Variants in FRMPD2 observed in about 807,000 individuals in gnomAD.
The protein encoded by FRMPD2 is FERM and PDZ domain containing 2.
A neutral mutation model predicts 140.1 loss-of-function variants in FRMPD2; 96 were observed. That is an observed-to-expected ratio of 0.69 (90% CI 0.58 to 0.81). The LOEUF (loss-of-function observed/expected upper bound fraction) is 0.81, where lower values mean the gene tolerates loss of function less well. Among genes scored for constraint, FRMPD2 ranks in the 40% least tolerant of loss-of-function variants. The pLI is 0.00. For missense variants in FRMPD2, 1,240 were observed against 1,447.4 expected, an observed-to-expected ratio of 0.86 and a Z score of 2.32; for synonymous variants, 449 against 547.6, an observed-to-expected ratio of 0.82 and a Z score of 2.52.
In FRMPD2 at chr10:48,225,476, T is replaced by G. The variant is rs956427574; in HGVS notation, c.1169-2206A>C. On this transcript the variant is annotated intron_variant, in intron 10 of 28. Transcript: ENST00000374201. ...CTCTGTCTCCACTGATGAACTGATG[T>G]CAACTCCTGCAATAAGCCCCTAGAA... Among the ~76,000 whole-genome samples the G allele has an allele frequency of 2.0e-5, 3 of 152,208 alleles. 1 individual carries two copies. Among genetic ancestry groups the G allele is most frequent in the African/African-American group, 7.2e-5 (3 of 41,438 alleles).
intron 15 of FRMPD2, among the ~76,000 whole-genome samples, chr10:48,200,701 C>T (rs1391810683): frequency 6.6e-6 from 1 of 152,192 alleles, no homozygotes; most frequent in Non-Finnish European, 1.5e-5. Context: ...CTTAGAACTT[C>T]CTTTTCCTCA....
chr10:48,159,104 C>T (rs1837866098), intron 28 of FRMPD2: 8 of 454,984 alleles, frequency 1.8e-5, no homozygotes, highest in South Asian at 1.2e-4. Flanking sequence ...GGGTTTGTGT[C>T]CCTTCATGTC....
In FRMPD2 at chr10:48,211,990, T is replaced by G; in HGVS notation, c.1575A>C (p.Ala525=). 1 of 1,614,024 alleles carries G rather than the reference T, an allele frequency of 6.2e-7. No homozygotes were observed. Among genetic ancestry groups the G allele is most frequent in the Non-Finnish European group, 8.5e-7 (1 of 1,179,992 alleles). Residue 525 remains alanine (A), a synonymous_variant, in exon 13 of 29, where the codon GCA becomes GCC. Transcript: ENST00000374201. ...TCAGCTCAGCATCCTCTCCCCACAG[T>G]GCAGAGCTGAGCCGGTGCATCTCTG... The part of the protein sequence containing the change: ...EVSEMHRLSS[A]LWGEDAELKF...
chr10:48,185,756 G>T (rs933180633), intron 17 of FRMPD2, 111 bp from the exon 18 acceptor site: 3 of 775,690 alleles, frequency 3.9e-6, no homozygotes, highest in African/African-American at 1.7e-5. Flanking sequence ...ACATTCACAC[G>T]CACACAATCC....
intron 1 of FRMPD2, among the ~76,000 whole-genome samples, chr10:48,261,139 A>G (rs1840582709): frequency 6.6e-6 from 1 of 152,176 alleles, no homozygotes; most frequent in Non-Finnish European, 1.5e-5. Flanking sequence ...ATGGAACAGA[A>G]TATCCAAGAA....
intron 9 of FRMPD2, among the ~76,000 whole-genome samples, chr10:48,233,128 G>C (rs1315858911): frequency 6.6e-6 from 1 of 152,186 alleles, no homozygotes; most frequent in African/African-American, 2.4e-5. Flanking sequence ...CTCTCTAGAA[G>C]GCAGTCATGG....
rs1171592154 is a variant in FRMPD2 at position 48,206,947 on chromosome 10, A to G, written c.1612-14T>C. ...CTGCTGAGTGACCTGGAGCAGAAAA[A>G]GGCTGATTTAGAAGAGACAGGCACA... On this transcript the variant is annotated splice_polypyrimidine_tract_variant and intron_variant, in intron 13 of 28. Transcript: ENST00000374201. 1 of 1,611,922 alleles carries G rather than the reference A, an allele frequency of 6.2e-7. No individual in the cohort carries two copies. The highest frequency in any genetic ancestry group is 1.1e-5 in the South Asian group (1 of 90,870).
At chr10:48,269,197 A>G (rs936205778) in intron 1 of FRMPD2, among the ~76,000 whole-genome samples, 1 of 152,222 alleles carries the variant, frequency 6.6e-6, no homozygotes, top group Non-Finnish European at 1.5e-5. Flanking sequence ...AGGGTCAAAA[A>G]TTTAAATATT....
chr10:48,260,215 A>T (rs1034093230), intron 1 of FRMPD2, among the ~76,000 whole-genome samples: 1 of 152,130 alleles, frequency 6.6e-6, no homozygotes, highest in African/African-American at 2.4e-5. Flanking sequence ...ATATACATAT[A>T]TGTATAGATA....
chr10:48,262,589 A>G (rs1353709355), intron 1 of FRMPD2, among the ~76,000 whole-genome samples: 11 of 152,164 alleles, frequency 7.2e-5, no homozygotes, highest in Non-Finnish European at 1.5e-4. Flanking sequence ...GATCCAGCAG[A>G]CAGAAAATCA....
At chr10:48,242,409 C>A (rs1322184718) in intron 4 of FRMPD2, 57 bp from the exon 5 acceptor site, 25 of 1,499,628 alleles carry the variant, frequency 1.7e-5, no homozygotes, top group Non-Finnish European at 2.2e-5. Context: ...CACTACGAGG[C>A]CAGCACCTTG....
Position 48,244,795 on chromosome 10 carries a change from G to A in FRMPD2, c.364C>T (p.Pro122Ser), listed in dbSNP as rs2066639073. The A allele has an allele frequency of 2.4e-5, 39 of 1,613,046 alleles. No homozygotes were observed. The highest frequency in any genetic ancestry group is 3.1e-5 in the Non-Finnish European group (36 of 1,179,038). ...TCTTGTTTACAAACCTGATGTGGCG[G>A]AACATGAAACCCTGCTGACCAGTAG... is the stretch of plus-strand genomic sequence containing the variant. ...TLYWSAGFHV[P>S]PHQPLQLCEP... Residue 122 changes from proline (P) to serine (S), a missense_variant, in exon 4 of 29, where the codon CCG becomes TCG. Physicochemically the swap from Pro to Ser is moderately conservative, Grantham distance 74. Around this residue, in one of 6 missense-constraint regions of FRMPD2, gnomAD observed 1,161 missense variants for 1,055.9 expected, o/e 1.10. Coordinates refer to ENST00000374201, the MANE Select transcript of FRMPD2 (RefSeq NM_001018071.4).
At chr10:48,238,933 GA>G (rs1387083275) in intron 7 of FRMPD2, among the ~76,000 whole-genome samples, 2 of 152,222 alleles carry the variant, frequency 1.3e-5, no homozygotes, top group African/African-American at 4.8e-5. Flanking sequence ...AAGTGGAAAT[GA>G]TGGAAGACCA....
intron 15 of FRMPD2, among the ~76,000 whole-genome samples, chr10:48,197,062 A>G (rs1838971163): frequency 6.6e-6 from 1 of 152,244 alleles, no homozygotes. Flanking sequence ...TCCTGGAACC[A>G]CCAGCCTGTG....
rs1258142114 is a variant in FRMPD2 at position 48,176,012 on chromosome 10, G to A, written c.2896-73C>T. The A allele has an allele frequency of 3.3e-5, 25 of 746,712 alleles. No homozygotes were observed. In the African/African-American group the frequency reaches 4.1e-4, roughly 12 times the overall value. 46.3% of individuals were successfully genotyped at this position (746,712 alleles called of 1,614,324 possible). A position where few individuals can be genotyped will look rare whatever the true frequency, so the allele number is the denominator to read the frequency against. Reference sequence around the variant, plus strand: ...AAGCCTCCCCAACCTCCCCAGCTAAGGGAATCCCCACCTGCCCACCACTCT... The same window carrying A: ...AAGCCTCCCCAACCTCCCCAGCTAAAGGAATCCCCACCTGCCCACCACTCT... On this transcript the variant is annotated intron_variant, in intron 22 of 28. Coordinates refer to ENST00000374201, the MANE Select transcript of FRMPD2 (RefSeq NM_001018071.4).
At chr10:48,237,908 C>T in intron 8 of FRMPD2, 83 bp downstream of exon 8, 1 of 1,523,494 alleles carries the variant, frequency 6.6e-7, no homozygotes, top group Middle Eastern at 1.7e-4. Context: ...AAGACCCTGC[C>T]CATTTTCAGC....
intron 10 of FRMPD2, among the ~76,000 whole-genome samples, chr10:48,229,872 G>C (rs867972210): frequency 3.3e-5 from 5 of 152,184 alleles, no homozygotes; most frequent in African/African-American, 1.2e-4. Flanking sequence ...TTTCTTCAAG[G>C]AGGTTCACAG....
Position 48,264,503 on chromosome 10 carries a change from G to A in FRMPD2, c.25+10040C>T, listed in dbSNP as rs536988885. Among the ~76,000 whole-genome samples the A allele has an allele frequency of 4.6e-5, 7 of 152,102 alleles. 1 individual carries two copies. In the South Asian group the frequency reaches 1.5e-3, roughly 32 times the overall value. On this transcript the variant is annotated intron_variant, in intron 1 of 28. Transcript: ENST00000374201. ...TAACATCAGCAATGACAACTGAAAT[G>A]TGAAATTATAAACACAATATCAATT... is the stretch of plus-strand genomic sequence containing the variant.
At chr10:48,184,320 C>T (rs1838622802) in intron 20 of FRMPD2, among the ~76,000 whole-genome samples, 1 of 152,164 alleles carries the variant, frequency 6.6e-6, no homozygotes, top group Non-Finnish European at 1.5e-5. Context: ...TTGTATCCAG[C>T]CGTGTCTAAC....
Sources: allele counts gnomAD v4.1 joint callset (sites outside exome capture counted in the v4.1 genomes callset), GRCh38; gene constraint gnomAD v4.1.1; regional missense constraint gnomAD v4.1.1; transcripts MANE v1.5; gene names NCBI Gene and HGNC (gene_info 2026-07-23, HGNC 2026-07-21).